The following CAMTA1 variants were observed in gnomAD, a reference collection of about 807,000 sequenced individuals.
CAMTA1 encodes calmodulin binding transcription activator 1.
A neutral mutation model predicts 170.9 loss-of-function variants in CAMTA1; 27 were observed. The ratio of observed to expected loss-of-function variants is 0.16; its 90% confidence interval spans 0.12 to 0.22. The LOEUF (loss-of-function observed/expected upper bound fraction) is 0.22, where lower values mean the gene tolerates loss of function less well. Among genes scored for constraint, CAMTA1 ranks in the 10% least tolerant of loss-of-function variants. CAMTA1 has a pLI of 1.00. For synonymous variants in CAMTA1, 833 were observed against 891.5 expected, an observed-to-expected ratio of 0.93 and a Z score of 1.17; for missense variants, 1,619 against 2,217.2, an observed-to-expected ratio of 0.73 and a Z score of 5.42.
intron 6 of CAMTA1, among the ~76,000 whole-genome samples, chr1:7,513,551 C>T (rs1328778043): frequency 6.6e-6 from 1 of 152,122 alleles, no homozygotes; most frequent in Non-Finnish European, 1.5e-5. Flanking sequence ...AATTCCTTGG[C>T]TGTAGAAAGA....
chr1:7,236,879 G>A (rs973473053), intron 4 of CAMTA1, among the ~76,000 whole-genome samples: 1 of 152,170 alleles, frequency 6.6e-6, no homozygotes. Flanking sequence ...TGCAATAAAG[G>A]GTGACATTCC....
chr1:7,116,247 A>C (rs1644321428), intron 4 of CAMTA1, among the ~76,000 whole-genome samples: 1 of 152,176 alleles, frequency 6.6e-6, no homozygotes, highest in Admixed American at 6.5e-5. Flanking sequence ...TAATCAGTTA[A>C]TTTTAAAAAA....
At chr1:6,802,096 G>A (rs1423749210) in intron 1 of CAMTA1, among the ~76,000 whole-genome samples, 2 of 152,204 alleles carry the variant, frequency 1.3e-5, no homozygotes, top group Non-Finnish European at 2.9e-5. Flanking sequence ...TCTAAGAAGA[G>A]CAGAAGCAAT....
At position 6,858,866 on chromosome 1, in the gene CAMTA1, GT is replaced by G. The variant is rs200169428; in HGVS notation, c.234+33660del. Among the ~76,000 whole-genome samples, 709 of 152,232 alleles carry G rather than the reference GT, an allele frequency of 4.7e-3. 4 individuals carry two copies. Among genetic ancestry groups the G allele is most frequent in the Middle Eastern group, 0.017 (5 of 294 alleles). On this transcript the variant is annotated intron_variant, in intron 3 of 22. Coordinates refer to ENST00000303635, the MANE Select transcript of CAMTA1 (RefSeq NM_015215.4). Reference sequence around the variant, plus strand: ...CTTTGTCTAAAAAAATAATATGGATGTTTTAAGACCATTCAGTCATAACTGG... The same window carrying G: ...CTTTGTCTAAAAAAATAATATGGATGTTTAAGACCATTCAGTCATAACTGG...
At chr1:7,560,290 C>G (rs573677200) in intron 6 of CAMTA1, among the ~76,000 whole-genome samples, 2 of 152,342 alleles carry the variant, frequency 1.3e-5, no homozygotes, top group East Asian at 1.9e-4. Context: ...CTTCAGGTCC[C>G]CTGGGGTCGC....
At chr1:7,598,105 G>A (rs560492055) in intron 6 of CAMTA1, among the ~76,000 whole-genome samples, 2 of 137,798 alleles carry the variant, frequency 1.5e-5, no homozygotes, top group South Asian at 2.4e-4. Flanking sequence ...CCCACAACAG[G>A]CCCCGGTGTG....
At chr1:7,497,143 G>A (rs1295339996) in intron 6 of CAMTA1, among the ~76,000 whole-genome samples, 2 of 152,130 alleles carry the variant, frequency 1.3e-5, no homozygotes, top group Non-Finnish European at 2.9e-5. Context: ...GAGGCCACTC[G>A]CTGAATGGCT....
chr1:7,099,243 G>A (rs2148221647), intron 4 of CAMTA1, among the ~76,000 whole-genome samples: 1 of 152,218 alleles, frequency 6.6e-6, no homozygotes, highest in East Asian at 1.9e-4. Flanking sequence ...TAGAGATGGG[G>A]TTTCACCCTG....
chr1:6,820,371 T>A, intron 2 of CAMTA1, 121 bp downstream of exon 2: 2 of 868,266 alleles, frequency 2.3e-6, no homozygotes, highest in Non-Finnish European at 3.7e-6. Flanking sequence ...GTTCTGCACT[T>A]AACTGCTGTG....
intron 5 of CAMTA1, among the ~76,000 whole-genome samples, chr1:7,280,862 A>G (rs923014146): frequency 3.9e-5 from 6 of 152,254 alleles, no homozygotes; most frequent in Admixed American, 2.0e-4. Flanking sequence ...GTGGTGCATC[A>G]TGGAGAAAGA....
At chr1:7,632,800 G>C (rs563389176) in intron 6 of CAMTA1, among the ~76,000 whole-genome samples, 1 of 152,244 alleles carries the variant, frequency 6.6e-6, no homozygotes, top group Non-Finnish European at 1.5e-5. Flanking sequence ...GTGGGTCTCT[G>C]GGGAAGAGCT....
rs1351337752 is a variant in CAMTA1, at chr1:7,456,693, G to C, written c.439-11137G>C. 6.6e-6 allele frequency among the ~76,000 whole-genome samples: 1 copy of C among 152,226 alleles called. No homozygotes were observed. Among genetic ancestry groups the C allele is most frequent in the Non-Finnish European group, 1.5e-5 (1 of 68,042 alleles). On this transcript the variant is annotated intron_variant, in intron 5 of 22. Coordinates refer to ENST00000303635, the MANE Select transcript of CAMTA1 (RefSeq NM_015215.4). The surrounding 1 kb of genome is among the most constrained non-coding windows in gnomAD (Gnocchi z 4.9). ...AGGACAGATTTCTGAGACACGAAAG[G>C]TGCAGGTCTCCAGCTCCCGCTTGGC...
intron 6 of CAMTA1, among the ~76,000 whole-genome samples, chr1:7,586,237 A>T (rs940917841): frequency 3.9e-5 from 6 of 152,052 alleles, no homozygotes; most frequent in African/African-American, 1.5e-4. Context: ...AGCGGTGGGG[A>T]TCCGCACTTG....
At chr1:7,338,399 C>T (rs1472803717) in intron 5 of CAMTA1, among the ~76,000 whole-genome samples, 2 of 152,168 alleles carry the variant, frequency 1.3e-5, no homozygotes, top group African/African-American at 4.8e-5. Context: ...GGTTTGGAGC[C>T]GTCTGCCTTT....
intron 3 of CAMTA1, among the ~76,000 whole-genome samples, chr1:6,901,028 A>G (rs1290855387): frequency 6.6e-6 from 1 of 152,248 alleles, no homozygotes. Flanking sequence ...ACAGTGTGGT[A>G]TTGCAAAAAG....
At chr1:7,409,802 A>G (rs965010117) in intron 5 of CAMTA1, among the ~76,000 whole-genome samples, 1 of 152,152 alleles carries the variant, frequency 6.6e-6, no homozygotes, top group African/African-American at 2.4e-5. Context: ...CCAACTCCTC[A>G]CCTCATTTTT....
At chr1:7,763,880 G>A (rs936534852) in intron 22 of CAMTA1, among the ~76,000 whole-genome samples, 2 of 152,158 alleles carry the variant, frequency 1.3e-5, no homozygotes, top group African/African-American at 4.8e-5. Flanking sequence ...AGTCACTGTC[G>A]CATATTTGTG....
intron 5 of CAMTA1, among the ~76,000 whole-genome samples, chr1:7,310,737 TCTTTC>T (rs1676589946): frequency 1.1e-5 from 1 of 95,210 alleles, no homozygotes; most frequent in East Asian, 2.8e-4. Context: ...TTTCTTTCTT[TCTTTC>T]TTTTTTTTAA....
chr1:6,911,749 C>T (rs1476813545), intron 3 of CAMTA1, among the ~76,000 whole-genome samples: 1 of 152,212 alleles, frequency 6.6e-6, no homozygotes, highest in African/African-American at 2.4e-5. Flanking sequence ...CGAGAACCAC[C>T]TCTCTGGTCT....
Sources: gnomAD v4.1 joint callset for allele counts (sites outside exome capture counted in the v4.1 genomes callset) on GRCh38, gnomAD v4.1.1 for gene constraint, Gnocchi (gnomAD v3.1) non-coding constraint, MANE v1.5 for transcripts, NCBI Gene and HGNC (gene_info 2026-07-23, HGNC 2026-07-21) for gene names.